Variants in ZNF410 observed in about 807,000 individuals in gnomAD.
ZNF410 encodes another partner for ARF 1.
Under a neutral mutation model 54.8 loss-of-function variants are expected in ZNF410, and 18 were observed. The observed-to-expected ratio is 0.33, with a 90% confidence interval of 0.23 to 0.49. The LOEUF (loss-of-function observed/expected upper bound fraction) is 0.49. ZNF410 is among the 20% of genes least tolerant of loss of function. The probability of loss-of-function intolerance (pLI) is 0.99; values close to 1 mark genes in which losing one functional copy is unlikely to be tolerated. For synonymous variants in ZNF410, 191 were observed against 207.3 expected (o/e 0.92, Z 0.68); for missense variants, 405 against 569.6 (o/e 0.71, Z 2.94).
chr14:73,930,199 C>T (rs2055890762), intron 11 of ZNF410, among the ~76,000 whole-genome samples: 1 of 152,184 alleles, frequency 6.6e-6, no homozygotes, highest in African/African-American at 2.4e-5. Context: ...TCTTGGCCTC[C>T]ATTAAAAACA....
intron 3 of ZNF410, chr14:73,894,418 A>C: frequency 1.5e-6 from 1 of 686,442 alleles, no homozygotes; most frequent in Non-Finnish European, 2.6e-6. Flanking sequence ...GAGTATACAT[A>C]CTTGCTTTTT....
intron 8 of ZNF410, chr14:73,913,665 G>A (rs1457943188): frequency 6.6e-6 from 1 of 152,236 alleles, no homozygotes; most frequent in Non-Finnish European, 1.5e-5. Flanking sequence ...CTTTTTGGAT[G>A]TGAATCCACT....
chr14:73,904,872 A>T (rs543908506), intron 6 of ZNF410, 30 bp from the exon 7 acceptor site: 1 of 1,608,034 alleles, frequency 6.2e-7, no homozygotes, highest in Admixed American at 1.7e-5. Context: ...GTGTTTTCAG[A>T]TATTTTTCCT....
intron 8 of ZNF410, among the ~76,000 whole-genome samples, chr14:73,918,582 C>T (rs2055704229): frequency 6.6e-6 from 1 of 151,736 alleles, no homozygotes; most frequent in South Asian, 2.1e-4. Flanking sequence ...AAAAAGAAGT[C>T]CCATTATTAG....
At chr14:73,901,538 T>C (rs1241743476) in intron 5 of ZNF410, among the ~76,000 whole-genome samples, 1 of 152,106 alleles carries the variant, frequency 6.6e-6, no homozygotes, top group Non-Finnish European at 1.5e-5. Flanking sequence ...ATTCTATGTA[T>C]TCATTTTTCC....
intron 7 of ZNF410, among the ~76,000 whole-genome samples, chr14:73,908,786 T>C (rs545024089): frequency 6.6e-6 from 1 of 152,344 alleles, no homozygotes; most frequent in South Asian, 2.1e-4. Context: ...TTCATTTGTC[T>C]GTCTCACACT....
At chr14:73,895,962 C>T (rs920185345) in intron 3 of ZNF410, among the ~76,000 whole-genome samples, 1 of 152,074 alleles carries the variant, frequency 6.6e-6, no homozygotes, top group Non-Finnish European at 1.5e-5. Context: ...AATGTAGATC[C>T]TATTCTTGAG....
Position 73,903,965 on chromosome 14 carries a change from A to G in ZNF410, c.586A>G (p.Asn196Asp). The part of the protein sequence containing the change: ...KNAKTSSNGE[N>D]VHLGSGDGQS... ...AATATGTGACTCTGTTACAGGAGAA[A>G]ATGTCCACCTTGGTTCTGGTGATGG... Residue 196 changes from asparagine (N) to aspartate (D), a missense_variant, in exon 6 of 12, where the codon AAT (asparagine) becomes GAT (aspartate). Around this residue, in one of 3 missense-constraint regions of ZNF410, gnomAD observed 247 missense variants for 342.8 expected, o/e 0.72. Coordinates refer to ENST00000555044, the MANE Select transcript of ZNF410 (RefSeq NM_021188.3). The G allele has an allele frequency of 6.2e-7, 1 of 1,614,172 alleles. No individual in the cohort carries two copies. The highest frequency in any genetic ancestry group is 8.5e-7 in the Non-Finnish European group (1 of 1,180,030).
At chr14:73,918,686 C>CTTTTT (rs71115932) in intron 8 of ZNF410, among the ~76,000 whole-genome samples, 1 of 74,644 alleles carries the variant, frequency 1.3e-5, no homozygotes, top group Admixed American at 1.8e-4. Flanking sequence ...TTCATATGGC[C>CTTTTT]TTTTTTTTTT....
In ZNF410 at chr14:73,927,328, C is replaced by T. The variant is rs1353634383; in HGVS notation, c.1398+3806C>T. On this transcript the variant is annotated intron_variant, in intron 11 of 11. Coordinates refer to ENST00000555044, the MANE Select transcript of ZNF410 (RefSeq NM_021188.3). The stretch of plus-strand genomic sequence containing the variant: ...TCCTGACCTCAGGTGATCCACCCGC[C>T]TCAGCCTCCCAAACTGCTGGGATTA... 3 of 155,032 alleles carry T rather than the reference C, an allele frequency of 1.9e-5. No individual in the cohort carries two copies. In the Admixed American group the frequency reaches 2.0e-4, roughly 10 times the overall value. The allele number at this position is 155,032 out of a possible 1,614,324, so 9.6% of individuals were successfully genotyped here.
intron 7 of ZNF410, among the ~76,000 whole-genome samples, chr14:73,905,962 CACACACATATATATATAT>C (rs1304790035): frequency 2.2e-4 from 5 of 22,964 alleles, no homozygotes; most frequent in African/African-American, 5.6e-4. Context: ...CACACACACA[CACACACATATATATATAT>C]ATATATATAT....
chr14:73,909,509 C>T (rs1052595649), intron 8 of ZNF410, 79 bp downstream of exon 8: 15 of 1,196,572 alleles, frequency 1.3e-5, no homozygotes, highest in Non-Finnish European at 1.6e-5. Flanking sequence ...GATATAAAGA[C>T]AACTAAAAAG....
At chr14:73,895,716 G>A (rs1401228092) in intron 3 of ZNF410, among the ~76,000 whole-genome samples, 1 of 152,138 alleles carries the variant, frequency 6.6e-6, no homozygotes, top group Non-Finnish European at 1.5e-5. Flanking sequence ...TATAATCCCA[G>A]CACTTTGGGA....
intron 3 of ZNF410, among the ~76,000 whole-genome samples, chr14:73,894,856 G>A (rs990335605): frequency 7.9e-5 from 12 of 152,290 alleles, no homozygotes; most frequent in African/African-American, 2.6e-4. Context: ...TAAGGGGAAA[G>A]AACCAGTTAG....
chr14:73,896,231 C>G, intron 3 of ZNF410, 85 bp from the exon 4 acceptor site: 1 of 954,744 alleles, frequency 1.0e-6, no homozygotes, highest in Non-Finnish European at 1.6e-6. Flanking sequence ...TGTTAGCTTC[C>G]AAGAGATGTT....
intron 1 of ZNF410, chr14:73,887,529 A>ATTAAAG: frequency 6.6e-6 from 1 of 152,206 alleles, no homozygotes; most frequent in East Asian, 1.9e-4. Context: ...AATCCAATTT[A>ATTAAAG]TTAAAGTTTA....
chr14:73,896,569 C>CCTG, intron 4 of ZNF410, 35 bp downstream of exon 4: 1 of 1,562,458 alleles, frequency 6.4e-7, no homozygotes, highest in Admixed American at 1.9e-5. Flanking sequence ...CTGCTTATGC[C>CCTG]TAAGAAAAAA....
chr14:73,904,188 G>A, intron 6 of ZNF410, 78 bp downstream of exon 6: 1 of 1,515,260 alleles, frequency 6.6e-7, no homozygotes. Context: ...TGCCCCTCAG[G>A]TTGACAAATT....
In ZNF410 at chr14:73,895,759, G is replaced by GT. The variant is rs1169514720; in HGVS notation, c.170-554dup. Among the ~76,000 whole-genome samples, 96 of 152,286 alleles carry GT rather than the reference G, an allele frequency of 6.3e-4. 1 individual carries two copies. The highest frequency in any genetic ancestry group is 6.2e-3 in the Admixed American group (95 of 15,294). On this transcript the variant is annotated intron_variant, in intron 3 of 11. Transcript: ENST00000555044. ...GTGGGTGGATCACTTAAGGTCAGGA[G>GT]TTTGAGACCAGCCTGGCTGGTGAAA...
Sources: allele counts gnomAD v4.1 joint callset (sites outside exome capture counted in the v4.1 genomes callset), GRCh38; gene constraint gnomAD v4.1.1; regional missense constraint gnomAD v4.1.1; transcripts MANE v1.5; gene names NCBI Gene and HGNC (gene_info 2026-07-23, HGNC 2026-07-21).